Variants in PDXK observed in about 807,000 individuals in gnomAD.
The protein encoded by PDXK is pyridoxal kinase, also known as epididymis secretory sperm binding protein Li 1a.
Under a neutral mutation model 43.2 loss-of-function variants are expected in PDXK, and 15 were observed. That is an observed-to-expected ratio of 0.35 (90% CI 0.23 to 0.53). The LOEUF is 0.53. Among genes scored for constraint, PDXK ranks in the 20% least tolerant of loss-of-function variants. The pLI is 0.92. For synonymous variants in PDXK, 172 were observed against 165.4 expected, an observed-to-expected ratio of 1.04 and a Z score of -0.31; for missense variants, 343 against 417.0, an observed-to-expected ratio of 0.82 and a Z score of 1.54.
chr21:43,732,677 C>A lies in PDXK; in HGVS notation c.88-1392C>A, dbSNP rs745384345. On this transcript the variant is annotated intron_variant, in intron 1 of 10. Transcript: ENST00000291565. The surrounding 1 kb of genome is among the most constrained non-coding windows in gnomAD (Gnocchi z 4.1). ...GAATTTTAAAGGATTTGAAATACTG[C>A]AAGCTATCTGTGTATAGAGGCTGTG... 3.9e-6 allele frequency: 3 copies of A among 775,694 alleles called. No individual in the cohort carries two copies. The highest frequency in any genetic ancestry group is 2.4e-6 in the Non-Finnish European group (1 of 416,126). The allele number at this position is 775,694 out of a possible 1,614,324, so 48.1% of individuals were successfully genotyped here. A position where few individuals can be genotyped will look rare whatever the true frequency, so the allele number is the denominator to read the frequency against.
chr21:43,719,291 C>G lies in PDXK; in HGVS notation c.-4C>G, dbSNP rs1336280155. 2.1e-6 allele frequency: 3 copies of G among 1,456,546 alleles called. No homozygotes were observed. The highest frequency in any genetic ancestry group is 2.7e-6 in the Non-Finnish European group (3 of 1,100,030). 90.2% of individuals were successfully genotyped at this position (1,456,546 alleles called of 1,614,324 possible). On this transcript the variant is annotated 5_prime_UTR_variant, in exon 1 of 11. Coordinates refer to ENST00000291565, the MANE Select transcript of PDXK (RefSeq NM_003681.5). Reference sequence around the variant, plus strand: ...GGCCCCGCGCCGCCGCGGCCAGGCCCGGCATGGAGGAGGAGTGCCGGGTGC... The same window carrying G: ...GGCCCCGCGCCGCCGCGGCCAGGCCGGGCATGGAGGAGGAGTGCCGGGTGC...
intron 1 of PDXK, among the ~76,000 whole-genome samples, chr21:43,722,067 G>A (rs552711004): frequency 1.5e-3 from 225 of 152,326 alleles, no homozygotes; most frequent in African/African-American, 5.2e-3. Flanking sequence ...GAGGAGCTGG[G>A]GGGGCTGCCC....
At position 43,737,213 on chromosome 21, in the gene PDXK, C is replaced by T. The variant is rs1331127662; in HGVS notation, c.142+3090C>T. 17 of 1,435,086 alleles carry T rather than the reference C, an allele frequency of 1.2e-5. No individual in the cohort carries two copies. In the South Asian group the frequency reaches 1.3e-4, roughly 11 times the overall value. 88.9% of individuals were successfully genotyped at this position (1,435,086 alleles called of 1,614,324 possible). A position where few individuals can be genotyped will look rare whatever the true frequency, so the allele number is the denominator to read the frequency against. On this transcript the variant is annotated intron_variant, in intron 2 of 10. Coordinates refer to ENST00000291565, the MANE Select transcript of PDXK (RefSeq NM_003681.5). This position sits in a 1 kb window ranked among gnomAD's most constrained non-coding sequence, Gnocchi z 4.8. The stretch of plus-strand genomic sequence containing the variant: ...TCCACACAAGCTGCGTTGTTGGTTC[C>T]CTGACGCCCTTCAGGCTGGGGGGTG...
At position 43,737,384 on chromosome 21, in the gene PDXK, C is replaced by G. The variant is rs760718247; in HGVS notation, c.142+3261C>G. ...ACAAGGTGCGTTCATTTTTCCACAC[C>G]GTGAGCTGGGCTTGGCAGAGCCTCC... On this transcript the variant is annotated intron_variant, in intron 2 of 10. Coordinates refer to ENST00000291565, the MANE Select transcript of PDXK (RefSeq NM_003681.5). This position sits in a 1 kb window ranked among gnomAD's most constrained non-coding sequence, Gnocchi z 4.8. 8.4e-7 allele frequency: 1 copy of G among 1,191,964 alleles called. No individual in the cohort carries two copies. The highest frequency in any genetic ancestry group is 1.0e-6 in the Non-Finnish European group (1 of 955,040). 73.8% of individuals were successfully genotyped at this position (1,191,964 alleles called of 1,614,324 possible).
Position 43,754,641 on chromosome 21 carries a change from G to A in PDXK, c.759+922G>A, listed in dbSNP as rs1374094073. On this transcript the variant is annotated intron_variant, in intron 9 of 10. Coordinates refer to ENST00000291565, the MANE Select transcript of PDXK (RefSeq NM_003681.5). This position sits in a 1 kb window ranked among gnomAD's most constrained non-coding sequence, Gnocchi z 5.5. ...GCGTCCGCAGTGGGTTCAGGTGGGA[G>A]GGAGGGGCCTGCCATCCCTTTGGAA... Among the ~76,000 whole-genome samples the A allele has an allele frequency of 2.6e-5, 4 of 152,212 alleles. No individual in the cohort carries two copies. The highest frequency in any genetic ancestry group is 1.5e-5 in the Non-Finnish European group (1 of 68,040).
Position 43,734,004 on chromosome 21 carries a change from G to T in PDXK, c.88-65G>T. 1 of 1,513,598 alleles carries T rather than the reference G, an allele frequency of 6.6e-7. No homozygotes were observed. The highest frequency in any genetic ancestry group is 9.2e-7 in the Non-Finnish European group (1 of 1,089,116). 93.8% of individuals were successfully genotyped at this position (1,513,598 alleles called of 1,614,324 possible). ...ACTCCCCTCTTCTGAGTCAGCACCT[G>T]CTGGGGTTCGTGGGACCCCAGACCT... On this transcript the variant is annotated intron_variant, in intron 1 of 10. Transcript: ENST00000291565. This position sits in a 1 kb window ranked among gnomAD's most constrained non-coding sequence, Gnocchi z 5.0.
In PDXK at chr21:43,737,556, T is replaced by C. The variant is rs964424523; in HGVS notation, c.142+3433T>C. 4 of 1,005,784 alleles carry C rather than the reference T, an allele frequency of 4.0e-6. No homozygotes were observed. Among genetic ancestry groups the C allele is most frequent in the Non-Finnish European group, 4.7e-6 (4 of 842,344 alleles). 62.3% of individuals were successfully genotyped at this position (1,005,784 alleles called of 1,614,324 possible). On this transcript the variant is annotated intron_variant, in intron 2 of 10. Transcript: ENST00000291565. The surrounding 1 kb of genome is among the most constrained non-coding windows in gnomAD (Gnocchi z 4.8). ...GGTTGCGCTGTCCTGGCTTTCGGAG[T>C]GTAGAGCCAGAGGGGATGGGACAGG... is the stretch of plus-strand genomic sequence containing the variant.
chr21:43,721,780 C>T (rs753784465), intron 1 of PDXK: 22 of 152,386 alleles, frequency 1.4e-4, no homozygotes, highest in South Asian at 8.3e-4. Context: ...ACCATCTGCA[C>T]GTCTGGGCTT....
chr21:43,739,708 A>G (rs745733110), intron 2 of PDXK, among the ~76,000 whole-genome samples: 15 of 151,670 alleles, frequency 9.9e-5, no homozygotes, highest in Non-Finnish European at 2.2e-4. Context: ...CTCCCACAAC[A>G]TGTAGGGATT....
chr21:43,750,453 G>T, intron 6 of PDXK, 47 bp from the exon 7 acceptor site: 1 of 1,545,954 alleles, frequency 6.5e-7, no homozygotes, highest in Non-Finnish European at 8.9e-7. Context: ...AACCCGGAGA[G>T]GAGAGGCTCA....
chr21:43,719,385 C>A lies in PDXK; in HGVS notation c.87+4C>A. The stretch of plus-strand genomic sequence containing the variant: ...GGCGGCCACGTTCCCGCTGCAGGTA[C>A]GCATCCGCCCGCAGCCCGGGCTTAC... On this transcript the variant is annotated splice_donor_region_variant and intron_variant, in intron 1 of 10. Coordinates refer to ENST00000291565, the MANE Select transcript of PDXK (RefSeq NM_003681.5). 2 of 1,519,428 alleles carry A rather than the reference C, an allele frequency of 1.3e-6. No homozygotes were observed. Among genetic ancestry groups the A allele is most frequent in the Non-Finnish European group, 1.8e-6 (2 of 1,134,020 alleles). 94.1% of individuals were successfully genotyped at this position (1,519,428 alleles called of 1,614,324 possible).
At chr21:43,752,412 T>A (rs1219969475) in intron 7 of PDXK, 106 bp from the exon 8 acceptor site, 1 of 749,426 alleles carries the variant, frequency 1.3e-6, no homozygotes, top group Non-Finnish European at 2.3e-6. Flanking sequence ...CGGCCGTGGC[T>A]GATGCTCCCC....
At position 43,719,347 on chromosome 21, in the gene PDXK, A is replaced by T; in HGVS notation, c.53A>T (p.Tyr18Phe). Residue 18 changes from tyrosine (Y) to phenylalanine (F), a missense_variant, in exon 1 of 11, where the codon TAC becomes TTC. Transcript: ENST00000291565. ...LSIQSHVIRG[Y>F]VGNRAATFPL... Reference sequence around the variant, plus strand: ...ATACAGAGCCACGTCATCCGCGGCTACGTGGGCAACCGGGCGGCCACGTTC... The same window carrying T: ...ATACAGAGCCACGTCATCCGCGGCTTCGTGGGCAACCGGGCGGCCACGTTC... 6.6e-7 allele frequency: 1 copy of T among 1,525,986 alleles called. No individual in the cohort carries two copies. Among genetic ancestry groups the T allele is most frequent in the Non-Finnish European group, 8.8e-7 (1 of 1,137,880 alleles). The allele number at this position is 1,525,986 out of a possible 1,614,324, so 94.5% of individuals were successfully genotyped here.
At chr21:43,755,876 C>A (rs778205595) in intron 10 of PDXK, 75 bp from the exon 11 acceptor site, 42 of 1,440,578 alleles carry the variant, frequency 2.9e-5, no homozygotes, top group Non-Finnish European at 4.1e-5. Context: ...TCCTGCTGAC[C>A]TCACCTCTGG....
rs1346073966 is a variant in PDXK, at chr21:43,734,851, C to T, written c.142+728C>T. ...AACAAAGCTGTTCTGTTCTTTGAAACCCCACCTCGCTTCCCCTGAAATTTC... is the reference window on the plus strand; with the variant it reads ...AACAAAGCTGTTCTGTTCTTTGAAATCCCACCTCGCTTCCCCTGAAATTTC... On this transcript the variant is annotated intron_variant, in intron 2 of 10. Coordinates refer to ENST00000291565, the MANE Select transcript of PDXK (RefSeq NM_003681.5). The surrounding 1 kb of genome is among the most constrained non-coding windows in gnomAD (Gnocchi z 5.0). Among the ~76,000 whole-genome samples, 1 of 152,194 alleles carries T rather than the reference C, an allele frequency of 6.6e-6. No homozygotes were observed. The highest frequency in any genetic ancestry group is 2.4e-5 in the African/African-American group (1 of 41,428).
Position 43,756,045 on chromosome 21 carries a change from C to CCAGGCCA in PDXK, c.923_929dup (p.Val311GlyfsTer39). The stretch of plus-strand genomic sequence containing the variant: ...ACATCGAGGACCCAGAGATCGTCGT[C>CCAGGCCA]CAGGCCACGGTGCTGTGAGGGCCCC... On this transcript the variant is annotated frameshift_variant, in exon 11 of 11. Coordinates refer to ENST00000291565, the MANE Select transcript of PDXK (RefSeq NM_003681.5). LOFTEE classifies it high-confidence loss of function. 6.2e-7 allele frequency: 1 copy of CCAGGCCA among 1,609,292 alleles called. No individual in the cohort carries two copies. The highest frequency in any genetic ancestry group is 1.1e-5 in the South Asian group (1 of 90,536).
chr21:43,755,523 G>C, intron 9 of PDXK, 175 bp from the exon 10 acceptor site: 3 of 633,714 alleles, frequency 4.7e-6, no homozygotes, highest in Non-Finnish European at 8.5e-6. Context: ...TCTCCGTGGT[G>C]GGCAGTCCGC....
intron 8 of PDXK, among the ~76,000 whole-genome samples, chr21:43,752,941 C>T (rs532560027): frequency 2.0e-5 from 3 of 152,286 alleles, no homozygotes; most frequent in African/African-American, 4.8e-5. Context: ...TACACAGACA[C>T]CACCTGGTTG....
chr21:43,748,852 G>A (rs1241744836), intron 5 of PDXK, 143 bp from the exon 6 acceptor site: 9 of 624,044 alleles, frequency 1.4e-5, no homozygotes, highest in East Asian at 1.1e-4. Context: ...ACAACTTATC[G>A]CTACAGTCGG....
Sources: gnomAD v4.1 joint callset for allele counts (sites outside exome capture counted in the v4.1 genomes callset) on GRCh38, gnomAD v4.1.1 for gene constraint, Gnocchi (gnomAD v3.1) non-coding constraint, MANE v1.5 for transcripts, NCBI Gene and HGNC (gene_info 2026-07-23, HGNC 2026-07-21) for gene names.